The following KCNN2 variants were observed in gnomAD, a reference collection of about 807,000 sequenced individuals.
KCNN2 encodes small conductance calcium-activated potassium channel protein 2.
Under a neutral mutation model 55.5 loss-of-function variants are expected in KCNN2, and 24 were observed. The observed-to-expected ratio is 0.43, with a 90% CI of 0.31 to 0.61. The LOEUF is 0.61. KCNN2 is among the 20% of genes least tolerant of loss of function. KCNN2 has a pLI of 0.08. For synonymous variants in KCNN2, 431 were observed against 336.1 expected, an observed-to-expected ratio of 1.28 and a Z score of -3.09; for missense variants, 754 against 853.6, an observed-to-expected ratio of 0.88 and a Z score of 1.45.
intron 2 of KCNN2, among the ~76,000 whole-genome samples, chr5:114,376,485 G>T (rs910590805): frequency 6.6e-6 from 1 of 152,200 alleles, no homozygotes; most frequent in Admixed American, 6.5e-5. Context: ...ATGACATGCT[G>T]CCATATGGGA....
Position 114,076,406 on chromosome 5 carries a change from TA to T in KCNN2, c.-271+19907del, listed in dbSNP as rs556499415. ...ATGAGAGAGATGTGTGTGGAGTGAGTAGAAAGAGGAATAATAACAAAAAGAG... is the reference window on the plus strand; with the variant it reads ...ATGAGAGAGATGTGTGTGGAGTGAGTGAAAGAGGAATAATAACAAAAAGAG... On this transcript the variant is annotated intron_variant, in intron 1 of 10. Coordinates refer to the KCNN2 transcript ENST00000512097. Among the ~76,000 whole-genome samples, 556 of 152,196 alleles carry T rather than the reference TA, an allele frequency of 3.7e-3. 5 individuals are homozygous for T. The highest frequency in any genetic ancestry group is 3.3e-3 in the Non-Finnish European group (225 of 68,020).
chr5:114,310,953 A>G (rs1382181414), intron 2 of KCNN2, among the ~76,000 whole-genome samples: 1 of 152,148 alleles, frequency 6.6e-6, no homozygotes, highest in Admixed American at 6.6e-5. Context: ...ATTTGAGTTT[A>G]TTCATCAAAG....
chr5:114,311,423 G>T (rs1432362747), intron 2 of KCNN2, among the ~76,000 whole-genome samples: 1 of 152,146 alleles, frequency 6.6e-6, no homozygotes, highest in African/African-American at 2.4e-5. Context: ...AACCTATTCA[G>T]CAAACGGCTG....
chr5:114,271,419 C>A (rs1208656893), intron 2 of KCNN2, among the ~76,000 whole-genome samples: 1 of 152,130 alleles, frequency 6.6e-6, no homozygotes, highest in East Asian at 1.9e-4. Context: ...AGTTCCCACC[C>A]GACCCAGAAG....
At chr5:114,456,037 A>G (rs951149463) in intron 3 of KCNN2, among the ~76,000 whole-genome samples, 1 of 152,214 alleles carries the variant, frequency 6.6e-6, no homozygotes, top group African/African-American at 2.4e-5. Flanking sequence ...TGATCTAGCT[A>G]AGATCGTTGA....
At chr5:114,175,188 T>G (rs1325469722) in intron 1 of KCNN2, among the ~76,000 whole-genome samples, 1 of 152,194 alleles carries the variant, frequency 6.6e-6, no homozygotes, top group Non-Finnish European at 1.5e-5. Flanking sequence ...GCTATCTCTT[T>G]AGGCTAGGAT....
At chr5:114,375,170 T>C (rs1378711135) in intron 2 of KCNN2, among the ~76,000 whole-genome samples, 1 of 152,184 alleles carries the variant, frequency 6.6e-6, no homozygotes, top group East Asian at 1.9e-4. Flanking sequence ...GTTTAATTTT[T>C]TACTGTGTGG....
At chr5:114,180,071 GT>G (rs1464885002) in intron 1 of KCNN2, among the ~76,000 whole-genome samples, 5 of 152,190 alleles carry the variant, frequency 3.3e-5, no homozygotes, top group African/African-American at 1.2e-4. Flanking sequence ...AAGCACGAGG[GT>G]GGGTGCACTC....
upstream of KCNN2, among the ~76,000 whole-genome samples, chr5:114,361,450 G>C (rs1757419322): frequency 6.6e-6 from 1 of 152,224 alleles, no homozygotes; most frequent in African/African-American, 2.4e-5. Flanking sequence ...ACACGCTGCT[G>C]CACTGGCGCA....
intron 2 of KCNN2, among the ~76,000 whole-genome samples, chr5:114,319,280 A>G (rs1261318775): frequency 2.6e-5 from 4 of 152,062 alleles, no homozygotes; most frequent in African/African-American, 9.7e-5. Context: ...TCTACCCTGA[A>G]TCTCCCTGCA....
intron 1 of KCNN2, among the ~76,000 whole-genome samples, chr5:114,162,315 C>T (rs1006293557): frequency 4.6e-5 from 7 of 152,196 alleles, no homozygotes; most frequent in South Asian, 4.2e-4. Context: ...TGCAGAACAG[C>T]GGATATCGGT....
At chr5:114,140,243 C>A (rs1049349665) in intron 1 of KCNN2, among the ~76,000 whole-genome samples, 3 of 152,064 alleles carry the variant, frequency 2.0e-5, no homozygotes, top group African/African-American at 4.8e-5. Flanking sequence ...ATATTAATAT[C>A]TTTGAGATTT....
intron 3 of KCNN2, among the ~76,000 whole-genome samples, chr5:114,414,930 A>G (rs1759259732): frequency 6.6e-6 from 1 of 152,196 alleles, no homozygotes; most frequent in South Asian, 2.1e-4. Flanking sequence ...GAACAGTTCC[A>G]TCACCCTCCA....
chr5:114,132,042 C>T (rs10478151), intron 1 of KCNN2, among the ~76,000 whole-genome samples: 23,210 of 151,956 alleles, frequency 0.15, 1,898 homozygotes, highest in African/African-American at 0.19. Context: ...TTTTGTCAGA[C>T]GGATAGATTG....
chr5:114,081,212 C>G (rs1210688626), intron 1 of KCNN2, among the ~76,000 whole-genome samples: 2 of 152,070 alleles, frequency 1.3e-5, no homozygotes, highest in African/African-American at 2.4e-5. Context: ...GATGTCAGGT[C>G]TACCCCCCAA....
rs561400033 is a variant in KCNN2 at position 114,102,977 on chromosome 5, G to A, written c.-271+46477G>A. Among the ~76,000 whole-genome samples, 5 of 152,010 alleles carry A rather than the reference G, an allele frequency of 3.3e-5. No individual in the cohort carries two copies. The South Asian group carries it at 1.0e-3, about 32-fold the overall frequency. ...AGTTTTTTCTAATTCTGTGAAGAAA[G>A]TCAATGGTAGCTTGATGGGAATAGC... On this transcript the variant is annotated intron_variant, in intron 1 of 10. Coordinates refer to the KCNN2 transcript ENST00000512097.
At chr5:114,415,625 C>G (rs992142429) in intron 3 of KCNN2, among the ~76,000 whole-genome samples, 1 of 152,082 alleles carries the variant, frequency 6.6e-6, no homozygotes, top group Non-Finnish European at 1.5e-5. Flanking sequence ...TTGTAATTTG[C>G]AATCCTCTAA....
chr5:114,330,040 T>C (rs1345069068), intron 2 of KCNN2, among the ~76,000 whole-genome samples: 2 of 152,124 alleles, frequency 1.3e-5, no homozygotes, highest in Non-Finnish European at 2.9e-5. Flanking sequence ...TGAGCCTGGC[T>C]CTCTTAGACA....
At chr5:114,178,496 C>T (rs551174037) in intron 1 of KCNN2, among the ~76,000 whole-genome samples, 2 of 152,276 alleles carry the variant, frequency 1.3e-5, no homozygotes, top group Admixed American at 1.3e-4. Context: ...GGAAGATTAT[C>T]AGAAACTGTA....
Sources: gnomAD v4.1 joint callset for allele counts (sites outside exome capture counted in the v4.1 genomes callset) on GRCh38, gnomAD v4.1.1 for gene constraint, MANE v1.5 for transcripts, NCBI Gene and HGNC (gene_info 2026-07-23, HGNC 2026-07-21) for gene names.